Variants in PIGU observed in about 807,000 individuals in gnomAD.
PIGU encodes GPI-anchor transamidase component PIGU.
Under a neutral mutation model 49.9 loss-of-function variants are expected in PIGU, and 24 were observed. The ratio of observed to expected loss-of-function variants is 0.48; its 90% CI spans 0.35 to 0.68. PIGU has a LOEUF of 0.68. Among genes scored for constraint, PIGU ranks in the 30% least tolerant of loss-of-function variants. The pLI is 0.01. For missense variants in PIGU, 490 were observed against 532.6 expected, an observed-to-expected ratio of 0.92 and a Z score of 0.79; for synonymous variants, 220 against 205.7, an observed-to-expected ratio of 1.07 and a Z score of -0.59.
intron 1 of PIGU, among the ~76,000 whole-genome samples, chr20:34,658,844 C>G (rs1265544679): frequency 6.6e-6 from 1 of 151,868 alleles, no homozygotes; most frequent in Non-Finnish European, 1.5e-5. Flanking sequence ...CGGCAGCCAC[C>G]CCGTCTGGGA....
intron 6 of PIGU, among the ~76,000 whole-genome samples, chr20:34,625,376 A>AC (rs1262972551): frequency 1.3e-5 from 2 of 151,724 alleles, no homozygotes; most frequent in African/African-American, 2.4e-5. Flanking sequence ...CTCAAAAAAA[A>AC]AAAAAACAAA....
At chr20:34,625,664 G>A (rs1192974228) in intron 6 of PIGU, among the ~76,000 whole-genome samples, 1 of 145,166 alleles carries the variant, frequency 6.9e-6, no homozygotes, top group Non-Finnish European at 1.5e-5. Flanking sequence ...AAAATTCCGA[G>A]ATTGCACCAC....
chr20:34,575,262 G>A lies in PIGU; in HGVS notation c.1052-16C>T. On this transcript the variant is annotated splice_polypyrimidine_tract_variant and intron_variant, in intron 10 of 11. Transcript: ENST00000217446. Reference sequence around the variant, plus strand: ...TTTCTCAGGACTGCAAAGACAGAGGGTTACAGTTAGCCTGACACGCTCTCT... The same window carrying A: ...TTTCTCAGGACTGCAAAGACAGAGGATTACAGTTAGCCTGACACGCTCTCT... 1.2e-6 allele frequency: 2 copies of A among 1,612,466 alleles called. No homozygotes were observed. The highest frequency in any genetic ancestry group is 1.1e-5 in the South Asian group (1 of 90,942).
intron 2 of PIGU, among the ~76,000 whole-genome samples, chr20:34,647,425 C>G (rs761430941): frequency 2.0e-4 from 31 of 151,318 alleles, no homozygotes; most frequent in Non-Finnish European, 4.0e-4. Context: ...CCACACCTGG[C>G]TAATTTTTGT....
intron 1 of PIGU, among the ~76,000 whole-genome samples, chr20:34,668,655 G>A (rs1356226768): frequency 6.6e-6 from 1 of 150,488 alleles, no homozygotes; most frequent in African/African-American, 2.4e-5. Flanking sequence ...TGTAGTCCCA[G>A]CTACTCGGGA....
intron 6 of PIGU, 103 bp from the exon 7 acceptor site, chr20:34,616,242 T>C: frequency 7.7e-7 from 1 of 1,304,330 alleles, no homozygotes; most frequent in Non-Finnish European, 1.0e-6. Context: ...GCTCAAATAA[T>C]CACCTGCCAA....
intron 7 of PIGU, among the ~76,000 whole-genome samples, chr20:34,591,369 T>C (rs544121712): frequency 6.1e-4 from 93 of 152,256 alleles, no homozygotes; most frequent in Non-Finnish European, 9.1e-4. Flanking sequence ...AGTAATCAAA[T>C]AGAAAAAATG....
At chr20:34,644,723 T>G (rs1275318465) in intron 3 of PIGU, among the ~76,000 whole-genome samples, 1 of 152,168 alleles carries the variant, frequency 6.6e-6, no homozygotes, top group Non-Finnish European at 1.5e-5. Context: ...TTCTCGCCCC[T>G]GAAAGCCTCA....
rs1208663494 is a variant in PIGU, at chr20:34,585,593, A to G, written c.783-13T>C. On this transcript the variant is annotated splice_polypyrimidine_tract_variant and intron_variant, in intron 8 of 11. Transcript: ENST00000217446. ...TGGAACAGAAAGTCTGGAATTAAGA[A>G]AACAAAGGGAGAGAAAAAAGACAAA... The G allele has an allele frequency of 6.2e-7, 1 of 1,610,304 alleles. No individual in the cohort carries two copies. Among genetic ancestry groups the G allele is most frequent in the Non-Finnish European group, 8.5e-7 (1 of 1,178,132 alleles).
intron 9 of PIGU, among the ~76,000 whole-genome samples, chr20:34,584,339 A>G (rs1270094955): frequency 6.6e-6 from 1 of 152,066 alleles, no homozygotes; most frequent in Non-Finnish European, 1.5e-5. Context: ...AGGACTCCAC[A>G]CATCCTTTGG....
At chr20:34,573,657 G>A (rs1331626626) in intron 11 of PIGU, among the ~76,000 whole-genome samples, 3 of 152,224 alleles carry the variant, frequency 2.0e-5, no homozygotes, top group African/African-American at 7.2e-5. Flanking sequence ...TAAGGAAAAG[G>A]AAGGAGATCC....
chr20:34,636,028 T>TG (rs1555801258), intron 5 of PIGU, among the ~76,000 whole-genome samples: 3 of 147,272 alleles, frequency 2.0e-5, no homozygotes, highest in Non-Finnish European at 3.0e-5. Context: ...CTGTCTCTAC[T>TG]AAAAAAAAAA....
chr20:34,630,919 A>G (rs1394645848), intron 6 of PIGU, among the ~76,000 whole-genome samples: 1 of 152,176 alleles, frequency 6.6e-6, no homozygotes, highest in Non-Finnish European at 1.5e-5. Context: ...TGCTGGGATT[A>G]TGGGTGTGAG....
chr20:34,640,345 C>G (rs1986109323), intron 4 of PIGU, among the ~76,000 whole-genome samples: 1 of 152,184 alleles, frequency 6.6e-6, no homozygotes, highest in African/African-American at 2.4e-5. Flanking sequence ...TTCAGCAGCA[C>G]AGGCACTATT....
chr20:34,676,590 C>T (rs1987507595), intron 1 of PIGU, among the ~76,000 whole-genome samples: 1 of 152,200 alleles, frequency 6.6e-6, no homozygotes, highest in Admixed American at 6.5e-5. Context: ...GGCGATCCCG[C>T]CCCAAATCCC....
intron 5 of PIGU, 100 bp downstream of exon 5, chr20:34,637,776 A>G: frequency 6.3e-7 from 1 of 1,575,350 alleles, no homozygotes; most frequent in Non-Finnish European, 8.6e-7. Context: ...GATGACTAAG[A>G]TTGCAAATCT....
rs1447215385 is a variant in PIGU, at chr20:34,560,761, T to C, written c.*105A>G. The C allele has an allele frequency of 6.3e-5, 50 of 796,952 alleles. 1 individual carries two copies. The highest frequency in any genetic ancestry group is 8.6e-5 in the Non-Finnish European group (46 of 534,122). The allele number at this position is 796,952 out of a possible 1,614,324, so 49.4% of individuals were successfully genotyped here. The stretch of plus-strand genomic sequence containing the variant: ...AGACTTGTGACCCTGGACTCGAACC[T>C]CTTCTGCCCAAGCACTCGCCTGCTG... On this transcript the variant is annotated 3_prime_UTR_variant, in exon 12 of 12. Coordinates refer to ENST00000217446, the MANE Select transcript of PIGU (RefSeq NM_080476.5).
At chr20:34,665,217 T>A (rs1987050188) in intron 1 of PIGU, among the ~76,000 whole-genome samples, 1 of 131,876 alleles carries the variant, frequency 7.6e-6, no homozygotes. Flanking sequence ...TTTTTTTTTT[T>A]TTTTGAGACT....
intron 6 of PIGU, among the ~76,000 whole-genome samples, chr20:34,624,590 G>A (rs576224166): frequency 9.6e-4 from 146 of 152,312 alleles, no homozygotes; most frequent in African/African-American, 3.3e-3. Flanking sequence ...CACCAATGGT[G>A]AAAAAGCAGG....
Sources: gnomAD v4.1 joint callset for allele counts (sites outside exome capture counted in the v4.1 genomes callset) on GRCh38, gnomAD v4.1.1 for gene constraint, MANE v1.5 for transcripts, NCBI Gene and HGNC (gene_info 2026-07-23, HGNC 2026-07-21) for gene names.